Variants in OVCH1 observed in about 807,000 individuals in gnomAD.
OVCH1 encodes the protein ovochymase 1.
OVCH1 carries 139 observed loss-of-function variants against 138.4 expected under a neutral mutation model. That is an observed-to-expected ratio of 1.00 (90% CI 0.87 to 1.16). The LOEUF (loss-of-function observed/expected upper bound fraction) is 1.16, where lower values mean the gene tolerates loss of function less well. Ranked by LOEUF, OVCH1 falls within the 50% of genes most tolerant of loss-of-function variation. The probability of loss-of-function intolerance (pLI) is 0.00; values close to 1 mark genes in which losing one functional copy is unlikely to be tolerated. For missense variants in OVCH1, 1,367 were observed against 1,357.9 expected, an observed-to-expected ratio of 1.01 and a Z score of -0.11; for synonymous variants, 453 against 467.8, an observed-to-expected ratio of 0.97 and a Z score of 0.41.
chr12:29,445,655 A>G (rs1486947056), intron 22 of OVCH1, among the ~76,000 whole-genome samples: 1 of 152,074 alleles, frequency 6.6e-6, no homozygotes, highest in Non-Finnish European at 1.5e-5. Flanking sequence ...GTGCTTCCTG[A>G]AGGACAGTAG....
Position 29,496,633 on chromosome 12 carries a change from CCTTA to C in OVCH1, c.102_105del (p.Ser34ArgfsTer21), listed in dbSNP as rs1162311526. On this transcript the variant is annotated frameshift_variant, in exon 2 of 28. Transcript: ENST00000318184. LOFTEE classifies it high-confidence loss of function. ...AAGAATCTAGATCCCACGGCAGGTT[CCTTA>C]CTTTTCATGTTGACCATGCGAATTC... 8 of 1,613,724 alleles carry C rather than the reference CCTTA, an allele frequency of 5.0e-6. No individual in the cohort carries two copies. The highest frequency in any genetic ancestry group is 1.3e-5 in the African/African-American group (1 of 74,914).
chr12:29,457,269 CA>C (rs1389578369), intron 19 of OVCH1, among the ~76,000 whole-genome samples: 2 of 151,774 alleles, frequency 1.3e-5, no homozygotes, highest in Non-Finnish European at 2.9e-5. Flanking sequence ...ATAGCCAATA[CA>C]TCATTTTTCA....
chr12:29,435,106 T>G (rs1327076838), intron 26 of OVCH1, among the ~76,000 whole-genome samples: 1 of 152,230 alleles, frequency 6.6e-6, no homozygotes, highest in Non-Finnish European at 1.5e-5. Flanking sequence ...CCTTCATTTA[T>G]CCACAGTGGC....
At position 29,444,181 on chromosome 12, in the gene OVCH1, AT is replaced by A; in HGVS notation, c.2980del (p.Met994CysfsTer18). ...TCTGTGAGAATTTCTTGGGATCTGC[AT>A]GATCCCTTCTGGCTTGGTCAGAAGA... On this transcript the variant is annotated frameshift_variant, in exon 24 of 28. Coordinates refer to ENST00000318184, the Ensembl canonical transcript of OVCH1. LOFTEE classifies it high-confidence loss of function. The A allele has an allele frequency of 6.2e-7, 1 of 1,611,462 alleles. No homozygotes were observed. Among genetic ancestry groups the A allele is most frequent in the Non-Finnish European group, 8.5e-7 (1 of 1,178,368 alleles).
downstream of OVCH1, among the ~76,000 whole-genome samples, chr12:29,409,041 G>C (rs560816846): frequency 1.3e-5 from 2 of 152,136 alleles, no homozygotes; most frequent in Non-Finnish European, 2.9e-5. Context: ...TCTTGGGAGA[G>C]TGTATGTGTC....
At chr12:29,491,588 G>A (rs907556338) in intron 4 of OVCH1, among the ~76,000 whole-genome samples, 1 of 151,912 alleles carries the variant, frequency 6.6e-6, no homozygotes. Flanking sequence ...GGCCATGAGA[G>A]GAGCTGTAAA....
intron 19 of OVCH1, among the ~76,000 whole-genome samples, chr12:29,460,998 G>A (rs927205187): frequency 3.3e-5 from 5 of 152,152 alleles, no homozygotes; most frequent in Non-Finnish European, 7.3e-5. Flanking sequence ...ATGGAAGGAC[G>A]TCCACCTAGA....
intron 25 of OVCH1, among the ~76,000 whole-genome samples, chr12:29,442,108 C>T (rs1941500195): frequency 6.6e-6 from 1 of 151,228 alleles, no homozygotes; most frequent in South Asian, 2.1e-4. Context: ...TTGACCCAGC[C>T]ATCCCATTAC....
intron 22 of OVCH1, 116 bp downstream of exon 22, chr12:29,451,229 A>G (rs1941785395): frequency 1.5e-6 from 1 of 687,944 alleles, no homozygotes; most frequent in Non-Finnish European, 2.4e-6. Flanking sequence ...AAGCATTCCT[A>G]TTACATGGAT....
intron 8 of OVCH1, among the ~76,000 whole-genome samples, chr12:29,480,055 C>A (rs1003971423): frequency 5.3e-5 from 8 of 152,076 alleles, no homozygotes; most frequent in Non-Finnish European, 8.8e-5. Context: ...AACTCCTGAC[C>A]TCATGACCTG....
Position 29,451,587 on chromosome 12 carries a change from C to G in OVCH1, c.2531-18G>C. 6.3e-7 allele frequency: 1 copy of G among 1,583,348 alleles called. No individual in the cohort carries two copies. Among genetic ancestry groups the G allele is most frequent in the South Asian group, 1.1e-5 (1 of 88,434 alleles). ...GCAACAACCTGCAATTCAGAACACA[C>G]AGACACCAGGGACCAACATAAATAA... On this transcript the variant is annotated intron_variant, in intron 21 of 27. Transcript: ENST00000318184.
chr12:29,404,938 C>T, the OVCH1 span, among the ~76,000 whole-genome samples: 454 of 140,918 alleles, frequency 3.2e-3, 1 homozygote, highest in African/African-American at 0.012. Context: ...AGGAGAATCA[C>T]GTGAACCCAG....
intron 27 of OVCH1, among the ~76,000 whole-genome samples, chr12:29,430,296 G>T (rs1486457910): frequency 6.6e-6 from 1 of 152,202 alleles, no homozygotes; most frequent in Non-Finnish European, 1.5e-5. Context: ...TTGGCCCCCT[G>T]CCAGGAGGTG....
At chr12:29,475,000 TA>T in intron 14 of OVCH1, 60 bp downstream of exon 14, 1 of 1,510,712 alleles carries the variant, frequency 6.6e-7, no homozygotes, top group Non-Finnish European at 8.9e-7. Context: ...ATGGCTAAAT[TA>T]TCTTCCCTGT....
intron 3 of OVCH1, 50 bp downstream of exon 3, chr12:29,496,131 C>A: frequency 6.7e-7 from 1 of 1,486,384 alleles, no homozygotes; most frequent in South Asian, 1.2e-5. Context: ...ATCTGCCAGT[C>A]GCATAGCCAG....
At chr12:29,468,931 C>T (rs1942408783) in intron 16 of OVCH1, among the ~76,000 whole-genome samples, 1 of 152,110 alleles carries the variant, frequency 6.6e-6, no homozygotes, top group Admixed American at 6.6e-5. Context: ...TGAACCAGGG[C>T]TCCTTGGAGA....
the OVCH1 span, among the ~76,000 whole-genome samples, chr12:29,406,383 A>G: frequency 1.1e-4 from 17 of 152,204 alleles, no homozygotes; most frequent in African/African-American, 4.1e-4. Flanking sequence ...ATACGTATAC[A>G]TGTGCCATGC....
chr12:29,415,558 C>T (rs1310447532), intron 3 of OVCH1, among the ~76,000 whole-genome samples: 2 of 152,138 alleles, frequency 1.3e-5, no homozygotes, highest in African/African-American at 2.4e-5. Context: ...CCATTTACAA[C>T]CACAATGAAG....
At chr12:29,418,070 A>G (rs1418473913) in intron 3 of OVCH1, among the ~76,000 whole-genome samples, 2 of 152,210 alleles carry the variant, frequency 1.3e-5, no homozygotes, top group African/African-American at 4.8e-5. Context: ...TCTTAGTTAC[A>G]GTTCCCGCAG....
Sources: gnomAD v4.1 joint callset for allele counts (sites outside exome capture counted in the v4.1 genomes callset) on GRCh38, gnomAD v4.1.1 for gene constraint, MANE v1.5 for transcripts, NCBI Gene and HGNC (gene_info 2026-07-23, HGNC 2026-07-21) for gene names.